The following GEMIN7 variants were observed in gnomAD, a reference collection of about 807,000 sequenced individuals.
The protein encoded by GEMIN7 is gem nuclear organelle associated protein 7.
GEMIN7 carries 7 observed loss-of-function variants against 7.8 expected under a neutral mutation model. That is an observed-to-expected ratio of 0.90 (90% CI 0.51 to 1.69). GEMIN7 has a LOEUF of 1.69. GEMIN7 is among the 40% of genes most tolerant of loss of function. The pLI is 0.00. For synonymous variants in GEMIN7, 68 were observed against 72.4 expected, an observed-to-expected ratio of 0.94 and a Z score of 0.31; for missense variants, 159 against 176.2, an observed-to-expected ratio of 0.90 and a Z score of 0.55.
intron 2 of GEMIN7, among the ~76,000 whole-genome samples, chr19:45,089,157 G>A (rs907897340): frequency 2.6e-5 from 4 of 152,012 alleles, no homozygotes; most frequent in Non-Finnish European, 5.9e-5. Context: ...GACCAGGCTG[G>A]TCTCGAATTC....
At chr19:45,085,171 C>T (rs1392732224) in intron 2 of GEMIN7, among the ~76,000 whole-genome samples, 4 of 152,224 alleles carry the variant, frequency 2.6e-5, no homozygotes, top group African/African-American at 4.8e-5. Context: ...CCGCCTGCCT[C>T]GGCCTCCCAA....
At chr19:45,086,014 A>C (rs1269651539) in intron 2 of GEMIN7, among the ~76,000 whole-genome samples, 3 of 149,964 alleles carry the variant, frequency 2.0e-5, no homozygotes, top group Non-Finnish European at 4.4e-5. Context: ...ACTACAGGCG[A>C]CTGCCACCAC....
At position 45,090,450 on chromosome 19, in the gene GEMIN7, T is replaced by A. The variant is rs759777136; in HGVS notation, c.336T>A (p.Gly112=). The A allele has an allele frequency of 4.3e-6, 7 of 1,613,780 alleles. No homozygotes were observed. In the East Asian group the frequency reaches 1.6e-4, roughly 36 times the overall value. The change falls in exon 3 of 3, where the codon GGT becomes GGA. Residue 112 remains glycine, a synonymous_variant. Coordinates refer to ENST00000270257, the MANE Select transcript of GEMIN7 (RefSeq NM_024707.3). Reference sequence around the variant, plus strand: ...TGTCACAGCTGCAGACTCCCATAGGTGTGCAAGCAGAGGCGCTGCTCCGAT... The same window carrying A: ...TGTCACAGCTGCAGACTCCCATAGGAGTGCAAGCAGAGGCGCTGCTCCGAT... The part of the protein sequence containing the change: ...FYVSQLQTPI[G]VQAEALLRCS...
At chr19:45,080,683 G>T (rs961430266) in intron 2 of GEMIN7, among the ~76,000 whole-genome samples, 2 of 151,234 alleles carry the variant, frequency 1.3e-5, no homozygotes, top group Non-Finnish European at 1.5e-5. Context: ...CCAGCCCGAG[G>T]AAAGATTTGA....
rs1967887639 is a variant in GEMIN7, at chr19:45,091,402, A to T, written c.*892A>T. 6.0e-6 allele frequency: 1 copy of T among 167,162 alleles called. No homozygotes were observed. The highest frequency in any genetic ancestry group is 2.4e-5 in the African/African-American group (1 of 41,482). 10.4% of individuals were successfully genotyped at this position (167,162 alleles called of 1,614,324 possible). On this transcript the variant is annotated 3_prime_UTR_variant, in exon 3 of 3. Transcript: ENST00000270257. ...CTTCACTAAGCCTCCTATCACTAGT[A>T]ACCTTTCAGCGCATTGTTTAAAAAG...
In GEMIN7 at chr19:45,090,845, C is replaced by T; in HGVS notation, c.*335C>T. On this transcript the variant is annotated 3_prime_UTR_variant, in exon 3 of 3. Coordinates refer to ENST00000270257, the MANE Select transcript of GEMIN7 (RefSeq NM_024707.3). ...GCACAGGGGGAAGTTATTAAAGAGG[C>T]TGCAAAGTCCAGCCACCCTGAAGAT... 4.3e-6 allele frequency: 1 copy of T among 234,946 alleles called. No homozygotes were observed. Among genetic ancestry groups the T allele is most frequent in the South Asian group, 8.9e-5 (1 of 11,260 alleles). 14.6% of individuals were successfully genotyped at this position (234,946 alleles called of 1,614,324 possible). A position where few individuals can be genotyped will look rare whatever the true frequency, so the allele number is the denominator to read the frequency against.
upstream of GEMIN7, chr19:45,076,085 T>TCGGGGTCAACGGCGTCCA (rs764230391): frequency 2.3e-5 from 36 of 1,581,014 alleles, no homozygotes; most frequent in East Asian, 7.7e-4. The surrounding 1 kb of genome is among the most constrained non-coding windows in gnomAD (Gnocchi z 4.9). Flanking sequence ...CCGGGATAGT[T>TCGGGGTCAACGGCGTCCA]CGGGGTCAAC....
intron 2 of GEMIN7, among the ~76,000 whole-genome samples, chr19:45,081,028 G>A (rs540393694): frequency 6.6e-6 from 1 of 152,190 alleles, no homozygotes; most frequent in Non-Finnish European, 1.5e-5. Flanking sequence ...CAAGTAGGGC[G>A]TGTTGGCGTG....
At chr19:45,088,001 T>A (rs7245723) in intron 2 of GEMIN7, among the ~76,000 whole-genome samples, 79,008 of 141,970 alleles carry the variant, frequency 0.56, 23,188 homozygotes, top group African/African-American at 0.68. Context: ...GCTGGAGTAC[T>A]GTGGCACAAT....
At chr19:45,081,690 G>A (rs892334131) in intron 2 of GEMIN7, among the ~76,000 whole-genome samples, 2 of 151,862 alleles carry the variant, frequency 1.3e-5, no homozygotes, top group Admixed American at 1.3e-4. Context: ...GCAATGGCAC[G>A]ATCTCCGCTC....
At chr19:45,076,606 C>A, upstream of GEMIN7, 1 of 335,186 alleles carries the variant, frequency 3.0e-6, no homozygotes, top group Admixed American at 4.9e-5. The surrounding 1 kb of genome is among the most constrained non-coding windows in gnomAD (Gnocchi z 4.9). Flanking sequence ...TCAATCTAGG[C>A]AGTGTCCCGT....
chr19:45,090,456 A>G lies in GEMIN7; in HGVS notation c.342A>G (p.Gln114=), dbSNP rs775592942. ...AGCTGCAGACTCCCATAGGTGTGCAAGCAGAGGCGCTGCTCCGATGTAGTG... is the reference window on the plus strand; with the variant it reads ...AGCTGCAGACTCCCATAGGTGTGCAGGCAGAGGCGCTGCTCCGATGTAGTG... ...VSQLQTPIGV[Q]AEALLRCSDI... The change falls in exon 3 of 3, where the codon CAA becomes CAG. Residue 114 remains glutamine (Q), a synonymous_variant. Coordinates refer to ENST00000270257, the MANE Select transcript of GEMIN7 (RefSeq NM_024707.3). 3 of 1,613,938 alleles carry G rather than the reference A, an allele frequency of 1.9e-6. No individual in the cohort carries two copies. The highest frequency in any genetic ancestry group is 1.3e-5 in the African/African-American group (1 of 75,070).
At chr19:45,076,549 TGGGAGGGGACCGAGCCGCCCTGCTGG>T (rs1212472174), upstream of GEMIN7, 1 of 427,280 alleles carries the variant, frequency 2.3e-6, no homozygotes, top group African/African-American at 2.1e-5. The surrounding 1 kb of genome is among the most constrained non-coding windows in gnomAD (Gnocchi z 4.9). Flanking sequence ...GCGGGGCTCA[TGGGAGGGGACCGAGCCGCCCTGCTGG>T]GGCCCTGACG....
At chr19:45,079,436 C>G (rs1004777972) in intron 1 of GEMIN7, 59 bp downstream of exon 1, 2 of 152,294 alleles carry the variant, frequency 1.3e-5, no homozygotes, top group Non-Finnish European at 2.9e-5. Context: ...ACGCTCCTAT[C>G]AGGGACTGTT....
chr19:45,081,312 C>T (rs1967496095), intron 2 of GEMIN7, among the ~76,000 whole-genome samples: 1 of 152,004 alleles, frequency 6.6e-6, no homozygotes, highest in African/African-American at 2.4e-5. Flanking sequence ...CAAAATTAGC[C>T]ATGTGCAGTG....
At chr19:45,080,545 T>G (rs1376531647) in intron 2 of GEMIN7, among the ~76,000 whole-genome samples, 3 of 151,916 alleles carry the variant, frequency 2.0e-5, no homozygotes, top group African/African-American at 7.3e-5. Flanking sequence ...CCAGCTAATT[T>G]TTTTTGTATT....
upstream of GEMIN7, chr19:45,076,342 C>A: frequency 1.5e-6 from 2 of 1,367,260 alleles, no homozygotes; most frequent in South Asian, 4.1e-5. This position sits in a 1 kb window ranked among gnomAD's most constrained non-coding sequence, Gnocchi z 4.9. Context: ...CTCTACTCGG[C>A]GGGGCGCGCT....
intron 2 of GEMIN7, among the ~76,000 whole-genome samples, chr19:45,088,092 C>T (rs1967764226): frequency 6.6e-6 from 1 of 151,254 alleles, no homozygotes; most frequent in Admixed American, 6.6e-5. Context: ...ATTACAGGTG[C>T]CCGCCACGAT....
At chr19:45,081,001 A>G (rs1052425924) in intron 2 of GEMIN7, among the ~76,000 whole-genome samples, 3 of 152,136 alleles carry the variant, frequency 2.0e-5, no homozygotes, top group African/African-American at 7.2e-5. Context: ...GACAGTGGTC[A>G]GAGAAAATAA....
Sources: gnomAD v4.1 joint callset for allele counts (sites outside exome capture counted in the v4.1 genomes callset) on GRCh38, gnomAD v4.1.1 for gene constraint, Gnocchi (gnomAD v3.1) non-coding constraint, MANE v1.5 for transcripts, NCBI Gene and HGNC (gene_info 2026-07-23, HGNC 2026-07-21) for gene names.